Variants in SBK1 observed in about 807,000 individuals in gnomAD.
SBK1 encodes the protein serine/threonine-protein kinase SBK1.
Under a neutral mutation model 24.4 loss-of-function variants are expected in SBK1, and 11 were observed. That is an observed-to-expected ratio of 0.45 (90% confidence interval 0.28 to 0.75). The LOEUF (loss-of-function observed/expected upper bound fraction) is 0.75, where lower values mean the gene tolerates loss of function less well. SBK1 is among the 30% of genes least tolerant of loss of function. SBK1 has a pLI of 0.12. For missense variants in SBK1, 467 were observed against 620.5 expected, an observed-to-expected ratio of 0.75 and a Z score of 2.63; for synonymous variants, 308 against 284.4, an observed-to-expected ratio of 1.08 and a Z score of -0.83.
In SBK1 at chr16:28,305,552, T is replaced by A. The variant is rs1367044513; in HGVS notation, c.-7-11833T>A. On this transcript the variant is annotated intron_variant, in intron 1 of 3. Transcript: ENST00000341901. ...TTCTTTGTTTCTTTTTTTTTTTTTT[T>A]AGAGAGACTTTCTCTGTCGTCCAGG... Among the ~76,000 whole-genome samples, 6 of 149,076 alleles carry A rather than the reference T, an allele frequency of 4.0e-5. No homozygotes were observed. The East Asian group carries it at 1.0e-3, about 25-fold the overall frequency.
rs1463221141 is a variant in SBK1, at chr16:28,279,395, G to T, written c.257+19893G>T. 2.6e-5 allele frequency among the ~76,000 whole-genome samples: 3 copies of T among 114,814 alleles called. No homozygotes were observed. The Admixed American group carries it at 2.9e-4, about 11-fold the overall frequency. The allele number at this position is 114,814 out of a possible 152,430, so 75.3% of individuals were successfully genotyped here. A position where few individuals can be genotyped will look rare whatever the true frequency, so the allele number is the denominator to read the frequency against. On this transcript the variant is annotated intron_variant, in intron 1 of 3. Transcript: ENST00000671413. ...GCCTGGGACAACAGAGCAAGATCTG[G>T]TCTCTAAAAAACAAAACCAAAAAAA...
At chr16:28,282,381 G>A (rs896367384) in intron 1 of SBK1, among the ~76,000 whole-genome samples, 10 of 152,146 alleles carry the variant, frequency 6.6e-5, no homozygotes, top group African/African-American at 2.4e-4. Context: ...CTGAGCACCA[G>A]CTGGCTCTCA....
chr16:28,279,350 G>A (rs571311110), intron 1 of SBK1, among the ~76,000 whole-genome samples: 1 of 139,868 alleles, frequency 7.1e-6, no homozygotes, highest in South Asian at 2.4e-4. Context: ...AGTGAGGTAT[G>A]ATTGCACCAC....
rs552542370 is a variant in SBK1, at chr16:28,274,992, C to G, written c.257+15490C>G. On this transcript the variant is annotated intron_variant, in intron 1 of 3. Coordinates refer to the SBK1 transcript ENST00000671413. ...GTAGGAAATGTGGAGGTAAAAATGACTAATCACGAGCTAAAAGAGTTGAGA... is the reference window on the plus strand; with the variant it reads ...GTAGGAAATGTGGAGGTAAAAATGAGTAATCACGAGCTAAAAGAGTTGAGA... Among the ~76,000 whole-genome samples the G allele has an allele frequency of 1.1e-3, 160 of 152,242 alleles. No individual in the cohort carries two copies. The South Asian group carries it at 0.016, about 15-fold the overall frequency.
At position 28,320,925 on chromosome 16, in the gene SBK1, G is replaced by A; in HGVS notation, c.*4G>A. ...GGCCATCGAGATCTGCGTCTGAGTC[G>A]CCTCCGCCGCCCTCGGACCCGGGAG... On this transcript the variant is annotated 3_prime_UTR_variant, in exon 4 of 4. Transcript: ENST00000341901. This position sits in a 1 kb window ranked among gnomAD's most constrained non-coding sequence, Gnocchi z 8.5. 1.4e-6 allele frequency: 2 copies of A among 1,449,272 alleles called. No individual in the cohort carries two copies. The highest frequency in any genetic ancestry group is 3.0e-5 in the African/African-American group (2 of 66,660). The allele number at this position is 1,449,272 out of a possible 1,614,324, so 89.8% of individuals were successfully genotyped here. A position where few individuals can be genotyped will look rare whatever the true frequency, so the allele number is the denominator to read the frequency against.
intron 1 of SBK1, among the ~76,000 whole-genome samples, chr16:28,305,689 A>C (rs2044711989): frequency 6.6e-6 from 1 of 151,202 alleles, no homozygotes; most frequent in Non-Finnish European, 1.5e-5. Context: ...CTGCCACCAC[A>C]CCTGGCTACT....
At chr16:28,312,277 G>T (rs2044759282) in intron 1 of SBK1, among the ~76,000 whole-genome samples, 1 of 152,228 alleles carries the variant, frequency 6.6e-6, no homozygotes, top group African/African-American at 2.4e-5. Context: ...CACAGAAGCA[G>T]CCTTGCCTCT....
chr16:28,314,644 T>C (rs936502006), intron 1 of SBK1, among the ~76,000 whole-genome samples: 4 of 152,022 alleles, frequency 2.6e-5, no homozygotes, highest in African/African-American at 9.7e-5. Flanking sequence ...GCAGGGGTGC[T>C]TAGGAGCAGG....
At chr16:28,283,469 A>G (rs1240059551) in intron 1 of SBK1, among the ~76,000 whole-genome samples, 2 of 151,928 alleles carry the variant, frequency 1.3e-5, no homozygotes, top group Non-Finnish European at 2.9e-5. Flanking sequence ...GCTTGCGGCA[A>G]CTCCAGGCTT....
chr16:28,321,796 G>A lies in SBK1; in HGVS notation c.*875G>A, dbSNP rs1432242458. The stretch of plus-strand genomic sequence containing the variant: ...TCAGCTGCCCCCATCCTTAGGGCAG[G>A]GGAGTTAGTGTGGAGCCGAGAGCAG... On this transcript the variant is annotated 3_prime_UTR_variant, in exon 4 of 4. Coordinates refer to ENST00000341901, the MANE Select transcript of SBK1 (RefSeq NM_001024401.3). 6.6e-6 allele frequency: 1 copy of A among 152,376 alleles called. No individual in the cohort carries two copies. The highest frequency in any genetic ancestry group is 1.5e-5 in the Non-Finnish European group (1 of 68,164). The allele number at this position is 152,376 out of a possible 1,614,324, so 9.4% of individuals were successfully genotyped here. A position where few individuals can be genotyped will look rare whatever the true frequency, so the allele number is the denominator to read the frequency against.
At chr16:28,313,289 T>A (rs2044766815) in intron 1 of SBK1, among the ~76,000 whole-genome samples, 1 of 151,728 alleles carries the variant, frequency 6.6e-6, no homozygotes, top group South Asian at 2.1e-4. Flanking sequence ...AGCGAGACCC[T>A]GTTTAAAAAA....
rs2044841434 is a variant in SBK1 at position 28,321,077 on chromosome 16, G to T, written c.*156G>T. 4.4e-6 allele frequency: 3 copies of T among 679,104 alleles called. No individual in the cohort carries two copies. The highest frequency in any genetic ancestry group is 6.3e-6 in the Non-Finnish European group (3 of 473,358). 42.1% of individuals were successfully genotyped at this position (679,104 alleles called of 1,614,324 possible). A position where few individuals can be genotyped will look rare whatever the true frequency, so the allele number is the denominator to read the frequency against. The stretch of plus-strand genomic sequence containing the variant: ...CCCGGCACCTGGTCCGTCCCCGGCG[G>T]GCTGGTGAGGGGGCCACCAAAGACC... On this transcript the variant is annotated 3_prime_UTR_variant, in exon 4 of 4. Coordinates refer to ENST00000341901, the MANE Select transcript of SBK1 (RefSeq NM_001024401.3).
intron 1 of SBK1, among the ~76,000 whole-genome samples, chr16:28,268,491 G>A (rs555791984): frequency 4.0e-5 from 6 of 150,608 alleles, no homozygotes; most frequent in South Asian, 4.2e-4. Context: ...GGCCAGGCTC[G>A]GTGGCTCATA....
rs757784983 is a variant in SBK1, at chr16:28,320,867, G to A, written c.1221G>A (p.Ala407=). 6.7e-6 allele frequency: 10 copies of A among 1,499,920 alleles called. No individual in the cohort carries two copies. The Admixed American group carries it at 1.4e-4, about 21-fold the overall frequency. The allele number at this position is 1,499,920 out of a possible 1,614,324, so 92.9% of individuals were successfully genotyped here. A position where few individuals can be genotyped will look rare whatever the true frequency, so the allele number is the denominator to read the frequency against. The change falls in exon 4 of 4, where the codon GCG becomes GCA. Residue 407 remains alanine (A), a synonymous_variant. Transcript: ENST00000341901. This position sits in a 1 kb window ranked among gnomAD's most constrained non-coding sequence, Gnocchi z 8.5. Reference sequence around the variant, plus strand: ...CCCCCGGCCGGACCGACGGCCGCGCGGACAAGAGCAAAGGGCAGGTGGTGC... The same window carrying A: ...CCCCCGGCCGGACCGACGGCCGCGCAGACAAGAGCAAAGGGCAGGTGGTGC... ...QGPPGRTDGR[A]DKSKGQVVLA...
chr16:28,281,866 T>TG lies in SBK1; in HGVS notation c.257+22370dup, dbSNP rs1003644510. 2.0e-4 allele frequency among the ~76,000 whole-genome samples: 30 copies of TG among 152,134 alleles called. 1 individual carries two copies. The highest frequency in any genetic ancestry group is 7.2e-4 in the African/African-American group (30 of 41,468). On this transcript the variant is annotated intron_variant, in intron 1 of 3. Transcript: ENST00000671413. ...CCAGGTGGGTGTCCCAGGCAGGCTC[T>TG]GGGGGGTGGCACAAATGGACCGGGC...
rs748701315 is a variant in SBK1 at position 28,320,463 on chromosome 16, C to T, written c.817C>T (p.Arg273Cys). 6.3e-7 allele frequency: 1 copy of T among 1,575,380 alleles called. No individual in the cohort carries two copies. Among genetic ancestry groups the T allele is most frequent in the Non-Finnish European group, 8.6e-7 (1 of 1,167,894 alleles). The change falls in exon 4 of 4, where the codon CGC (arginine) becomes TGC (cysteine). Residue 273 changes from arginine to cysteine, a missense_variant. Around this residue, in one of 4 missense-constraint regions of SBK1, gnomAD observed 86 missense variants for 121.7 expected, o/e 0.71. Coordinates refer to ENST00000341901, the MANE Select transcript of SBK1 (RefSeq NM_001024401.3). The surrounding 1 kb of genome is among the most constrained non-coding windows in gnomAD (Gnocchi z 8.5). Reference protein sequence around the residue: ...FEEFVRWQRGRLPGLPSQWRR... With the variant: ...FEEFVRWQRGCLPGLPSQWRR... The stretch of plus-strand genomic sequence containing the variant: ...GGAGTTCGTGCGCTGGCAGCGGGGC[C>T]GCCTGCCGGGGCTGCCTTCGCAGTG...
chr16:28,320,878 A>G lies in SBK1; in HGVS notation c.1232A>G (p.Lys411Arg). 1 of 1,503,502 alleles carries G rather than the reference A, an allele frequency of 6.7e-7. No homozygotes were observed. Among genetic ancestry groups the G allele is most frequent in the South Asian group, 1.2e-5 (1 of 83,688 alleles). The allele number at this position is 1,503,502 out of a possible 1,614,324, so 93.1% of individuals were successfully genotyped here. Residue 411 changes from lysine to arginine, a missense_variant, in exon 4 of 4, where the codon AAA (lysine) becomes AGA (arginine). By Grantham distance (26) the Lys-to-Arg change is conservative. Transcript: ENST00000341901. This position sits in a 1 kb window ranked among gnomAD's most constrained non-coding sequence, Gnocchi z 8.5. ...ACCGACGGCCGCGCGGACAAGAGCA[A>G]AGGGCAGGTGGTGCTGGCCACGGCC... Reference protein sequence around the residue: ...GRTDGRADKSKGQVVLATAIE... With the variant: ...GRTDGRADKSRGQVVLATAIE...
intron 1 of SBK1, among the ~76,000 whole-genome samples, chr16:28,308,452 T>C (rs1395773561): frequency 7.6e-4 from 3 of 3,954 alleles, no homozygotes; most frequent in Non-Finnish European, 4.7e-3. Flanking sequence ...TGCTTGGGCT[T>C]TTTTTTTTTT....
chr16:28,283,166 C>T (rs1165368646), intron 1 of SBK1, among the ~76,000 whole-genome samples: 1 of 151,984 alleles, frequency 6.6e-6, no homozygotes, highest in East Asian at 1.9e-4. Context: ...CTCTAGACCT[C>T]GTGATCCACC....
Sources: allele counts gnomAD v4.1 joint callset (sites outside exome capture counted in the v4.1 genomes callset), GRCh38; gene constraint gnomAD v4.1.1; regional missense constraint gnomAD v4.1.1; non-coding constraint Gnocchi (gnomAD v3.1); transcripts MANE v1.5; gene names NCBI Gene and HGNC (gene_info 2026-07-23, HGNC 2026-07-21).